The following CNBD1 variants were observed in gnomAD, a reference collection of about 807,000 sequenced individuals.
CNBD1 encodes cyclic nucleotide binding domain containing 1, also known as cyclic nucleotide-binding domain-containing protein 1.
In CNBD1, 71 loss-of-function variants were observed where a neutral mutation model predicts 54.4. That is an observed-to-expected ratio of 1.30 (90% CI 1.08 to 1.59). The LOEUF is 1.59. Ranked by LOEUF, CNBD1 falls within the 40% of genes most tolerant of loss-of-function variation. The pLI, the probability that CNBD1 is intolerant of heterozygous loss-of-function variation, is 0.00. For synonymous variants in CNBD1, 182 were observed against 170.7 expected (o/e 1.07, Z -0.51); for missense variants, 659 against 518.0 (o/e 1.27, Z -2.64).
intron 4 of CNBD1, among the ~76,000 whole-genome samples, chr8:87,143,359 G>T (rs577580647): frequency 6.6e-6 from 1 of 150,500 alleles, no homozygotes; most frequent in East Asian, 1.9e-4. Flanking sequence ...CCGGCAGATT[G>T]TCTGCTAAGG....
At chr8:87,022,835 A>G (rs1320953948) in intron 4 of CNBD1, among the ~76,000 whole-genome samples, 1 of 152,192 alleles carries the variant, frequency 6.6e-6, no homozygotes, top group Admixed American at 6.5e-5. Flanking sequence ...AGATGGAGAC[A>G]GTTTGAAATT....
intron 8 of CNBD1, among the ~76,000 whole-genome samples, chr8:87,329,875 T>C (rs143365607): frequency 4.2e-4 from 64 of 152,128 alleles, no homozygotes; most frequent in African/African-American, 1.4e-3. Context: ...CAAATCCATA[T>C]ATATTTTTCT....
intron 4 of CNBD1, among the ~76,000 whole-genome samples, chr8:87,019,655 A>G (rs1465776080): frequency 6.6e-6 from 1 of 152,254 alleles, no homozygotes; most frequent in Non-Finnish European, 1.5e-5. Flanking sequence ...AGGTGGGCGG[A>G]TCACCTAACG....
intron 4 of CNBD1, among the ~76,000 whole-genome samples, chr8:86,956,833 C>T (rs1382197832): frequency 1.3e-5 from 2 of 152,152 alleles, no homozygotes; most frequent in African/African-American, 2.4e-5. Context: ...CTTTCTCCTG[C>T]CTGATTGCCC....
At chr8:87,136,559 T>C in intron 4 of CNBD1, among the ~76,000 whole-genome samples, 1 of 99,998 alleles carries the variant, frequency 1.0e-5, no homozygotes, top group South Asian at 2.7e-4. Context: ...TATATATAAA[T>C]TATATATTAT....
intron 4 of CNBD1, among the ~76,000 whole-genome samples, chr8:87,095,280 A>G (rs1050161267): frequency 6.6e-6 from 1 of 152,206 alleles, no homozygotes; most frequent in Non-Finnish European, 1.5e-5. Flanking sequence ...GTTAGTTTTG[A>G]TTTGAATTCC....
chr8:87,293,304 G>A (rs1002357435), intron 8 of CNBD1, among the ~76,000 whole-genome samples: 3 of 152,116 alleles, frequency 2.0e-5, no homozygotes, highest in Non-Finnish European at 2.9e-5. Flanking sequence ...GGCACTTTGG[G>A]AGGCTGAGGT....
intron 4 of CNBD1, among the ~76,000 whole-genome samples, chr8:87,003,724 A>C (rs1809039224): frequency 6.6e-6 from 1 of 152,170 alleles, no homozygotes; most frequent in South Asian, 2.1e-4. Flanking sequence ...AAAAATTACA[A>C]CAAGAAGGAC....
rs780191245 is a variant in CNBD1, at chr8:87,286,532, G to C, written c.910-7G>C. 7.2e-6 allele frequency: 10 copies of C among 1,387,814 alleles called. No homozygotes were observed. Among genetic ancestry groups the C allele is most frequent in the South Asian group, 1.3e-5 (1 of 76,928 alleles). 86.0% of individuals were successfully genotyped at this position (1,387,814 alleles called of 1,614,324 possible). A position where few individuals can be genotyped will look rare whatever the true frequency, so the allele number is the denominator to read the frequency against. ...ATTAAAAATTTGATAATGACATTCT[G>C]TTTTAGGAAAAAATAAAACTTGAAA... On this transcript the variant is annotated splice_region_variant and splice_polypyrimidine_tract_variant and intron_variant, in intron 7 of 10. Coordinates refer to ENST00000518476, the MANE Select transcript of CNBD1 (RefSeq NM_173538.3).
intron 8 of CNBD1, among the ~76,000 whole-genome samples, chr8:87,345,222 A>G (rs916350572): frequency 1.2e-4 from 19 of 152,200 alleles, no homozygotes; most frequent in African/African-American, 4.1e-4. Flanking sequence ...ATTTAAGTAC[A>G]TCCTTCCATG....
intron 8 of CNBD1, among the ~76,000 whole-genome samples, chr8:87,322,265 C>T (rs1296560447): frequency 3.2e-5 from 4 of 123,536 alleles, no homozygotes; most frequent in East Asian, 2.1e-4. Context: ...AATAAACATA[C>T]GTGTGCATGT....
intron 2 of CNBD1, among the ~76,000 whole-genome samples, chr8:87,401,622 A>G (rs1807567179): frequency 6.6e-6 from 1 of 152,074 alleles, no homozygotes; most frequent in African/African-American, 2.4e-5. Context: ...TTGCTGGGCC[A>G]TGAGAATCTG....
At chr8:87,375,502 A>T (rs909248099) in intron 10 of CNBD1, among the ~76,000 whole-genome samples, 1 of 151,842 alleles carries the variant, frequency 6.6e-6, no homozygotes, top group Non-Finnish European at 1.5e-5. Context: ...GAAAGTTTAC[A>T]ATAACCATCT....
At chr8:87,346,144 T>C (rs1259995735) in intron 8 of CNBD1, among the ~76,000 whole-genome samples, 1 of 152,046 alleles carries the variant, frequency 6.6e-6, no homozygotes, top group East Asian at 1.9e-4. Context: ...CTGATTTAAG[T>C]GATTCTCCTG....
At chr8:87,343,743 G>A (rs1359850143) in intron 8 of CNBD1, among the ~76,000 whole-genome samples, 3 of 151,886 alleles carry the variant, frequency 2.0e-5, no homozygotes, top group East Asian at 1.9e-4. Flanking sequence ...TAACTTATTG[G>A]CAGTATAATA....
chr8:87,018,217 T>C (rs1233221693), intron 4 of CNBD1, among the ~76,000 whole-genome samples: 1 of 152,230 alleles, frequency 6.6e-6, no homozygotes, highest in African/African-American at 2.4e-5. Flanking sequence ...CACTCCAGCC[T>C]GGGCAACGAG....
At chr8:87,403,735 T>C (rs1017727673) in intron 2 of CNBD1, among the ~76,000 whole-genome samples, 12 of 152,112 alleles carry the variant, frequency 7.9e-5, no homozygotes, top group African/African-American at 2.6e-4. Flanking sequence ...AGAGATCAGA[T>C]ATTTTCTAAG....
At chr8:87,004,836 C>T (rs761795859) in intron 4 of CNBD1, among the ~76,000 whole-genome samples, 58 of 152,112 alleles carry the variant, frequency 3.8e-4, no homozygotes, top group Non-Finnish European at 1.6e-4. Context: ...ATACCACTCT[C>T]AAGACTGAGC....
At chr8:87,234,087 C>T (rs1331402230) in intron 5 of CNBD1, among the ~76,000 whole-genome samples, 2 of 152,162 alleles carry the variant, frequency 1.3e-5, no homozygotes, top group African/African-American at 4.8e-5. Flanking sequence ...CATGTGATTG[C>T]AGCAATTCAG....
Sources: allele counts gnomAD v4.1 joint callset (sites outside exome capture counted in the v4.1 genomes callset), GRCh38; gene constraint gnomAD v4.1.1; transcripts MANE v1.5; gene names NCBI Gene and HGNC (gene_info 2026-07-23, HGNC 2026-07-21).